JAZF1: variants seen among roughly 807,000 people sequenced by gnomAD.
JAZF1 encodes the protein JAZF zinc finger 1.
A neutral mutation model predicts 26.4 loss-of-function variants in JAZF1; 8 were observed. The ratio of observed to expected loss-of-function variants is 0.30; its 90% CI spans 0.18 to 0.55. The LOEUF is 0.55. Ranked by LOEUF, JAZF1 falls within the 20% of genes least tolerant of loss-of-function variation. The probability of loss-of-function intolerance (pLI) is 0.94; values close to 1 mark genes in which losing one functional copy is unlikely to be tolerated. For missense variants in JAZF1, 199 were observed against 322.0 expected, an observed-to-expected ratio of 0.62 and a Z score of 2.92; for synonymous variants, 126 against 122.3, an observed-to-expected ratio of 1.03 and a Z score of -0.20.
At position 27,859,468 on chromosome 7, in the gene JAZF1, C is replaced by G. The variant is rs138225729; in HGVS notation, c.386-18601G>C. Among the ~76,000 whole-genome samples, 930 of 152,312 alleles carry G rather than the reference C, an allele frequency of 6.1e-3. 7 individuals are homozygous for G. The highest frequency in any genetic ancestry group is 0.01 in the South Asian group (50 of 4,828). ...TGTTTACAACAGCAAAGACTTGGAACCAACCCAAATGTCCATCAATGATAG... is the reference window on the plus strand; with the variant it reads ...TGTTTACAACAGCAAAGACTTGGAAGCAACCCAAATGTCCATCAATGATAG... On this transcript the variant is annotated intron_variant, in intron 3 of 4. Transcript: ENST00000283928.
intron 1 of JAZF1, among the ~76,000 whole-genome samples, chr7:28,145,754 A>G (rs907881082): frequency 6.6e-6 from 1 of 151,996 alleles, no homozygotes; most frequent in African/African-American, 2.4e-5. Context: ...CACCCCAATA[A>G]CGTTCCCTTG....
At chr7:27,898,304 T>TATATATATATACACAC (rs375859244) in intron 2 of JAZF1, among the ~76,000 whole-genome samples, 6 of 128,932 alleles carry the variant, frequency 4.7e-5, no homozygotes, top group Non-Finnish European at 6.3e-5. Flanking sequence ...TATATATATA[T>TATATATATATACACAC]ACATCGGTTT....
rs143508784 is a variant in JAZF1, at chr7:27,840,597, C to A, written c.555+101G>T. ...TGCAGGAGAGGGGAGTGTCTCCCCC[C>A]AGCCCATACGCTCGCTTTAAAATCA... On this transcript the variant is annotated intron_variant, in intron 4 of 4. Transcript: ENST00000283928. The surrounding 1 kb of genome is among the most constrained non-coding windows in gnomAD (Gnocchi z 5.1). The A allele has an allele frequency of 2.3e-4, 287 of 1,228,828 alleles. No homozygotes were observed. In the African/African-American group the frequency reaches 2.8e-3, roughly 12 times the overall value. 76.1% of individuals were successfully genotyped at this position (1,228,828 alleles called of 1,614,324 possible). A position where few individuals can be genotyped will look rare whatever the true frequency, so the allele number is the denominator to read the frequency against.
At chr7:28,138,625 G>A (rs1478854312) in intron 1 of JAZF1, among the ~76,000 whole-genome samples, 1 of 152,158 alleles carries the variant, frequency 6.6e-6, no homozygotes, top group Non-Finnish European at 1.5e-5. Flanking sequence ...AATCCTAGTA[G>A]GCTTCTCATC....
intron 2 of JAZF1, among the ~76,000 whole-genome samples, chr7:27,946,882 T>C (rs768775158): frequency 5.3e-5 from 8 of 152,198 alleles, no homozygotes; most frequent in Admixed American, 2.0e-4. Flanking sequence ...TAAACTACGG[T>C]GGTCTTTTAT....
In JAZF1 at chr7:27,909,214, A is replaced by G. The variant is rs530890209; in HGVS notation, c.189-13798T>C. Among the ~76,000 whole-genome samples, 116 of 146,284 alleles carry G rather than the reference A, an allele frequency of 7.9e-4. 3 individuals carry two copies. The highest frequency in any genetic ancestry group is 3.1e-3 in the African/African-American group (113 of 36,252). On this transcript the variant is annotated intron_variant, in intron 2 of 4. Transcript: ENST00000283928. ...ACCCAGGCCCTGCTAATTTTGAATA[A>G]CCACTTTCTTTTTTTAATTGAAGAA...
At chr7:27,893,885 T>G (rs1405468072) in intron 3 of JAZF1, among the ~76,000 whole-genome samples, 1 of 152,048 alleles carries the variant, frequency 6.6e-6, no homozygotes, top group Admixed American at 6.6e-5. Context: ...GGGTCCAGAG[T>G]GCGCTCTGGT....
chr7:28,125,007 C>G (rs966773508), intron 1 of JAZF1, among the ~76,000 whole-genome samples: 4 of 152,130 alleles, frequency 2.6e-5, no homozygotes, highest in African/African-American at 9.7e-5. Context: ...CTGATCTAGC[C>G]TACAAACCAT....
intron 1 of JAZF1, among the ~76,000 whole-genome samples, chr7:28,045,789 G>C (rs1190028551): frequency 6.6e-6 from 1 of 152,220 alleles, no homozygotes; most frequent in Middle Eastern, 3.4e-3. Context: ...GCCCAGGCTG[G>C]TCTTGAACTC....
At chr7:28,140,919 A>T (rs1782951359) in intron 1 of JAZF1, among the ~76,000 whole-genome samples, 1 of 152,234 alleles carries the variant, frequency 6.6e-6, no homozygotes, top group African/African-American at 2.4e-5. Flanking sequence ...TGATGCTCAA[A>T]TATAATTTGA....
intron 1 of JAZF1, among the ~76,000 whole-genome samples, chr7:28,124,266 C>T (rs1214967485): frequency 6.6e-6 from 1 of 152,162 alleles, no homozygotes; most frequent in Non-Finnish European, 1.5e-5. Context: ...CGGCCATCTG[C>T]AAGCCACACA....
At chr7:28,030,384 A>T (rs939536959) in intron 1 of JAZF1, among the ~76,000 whole-genome samples, 2 of 152,206 alleles carry the variant, frequency 1.3e-5, no homozygotes, top group African/African-American at 4.8e-5. Flanking sequence ...GACTTGGAAA[A>T]TTTTGGTCTG....
intron 2 of JAZF1, among the ~76,000 whole-genome samples, chr7:27,979,159 T>C (rs1371323301): frequency 6.6e-6 from 1 of 152,034 alleles, no homozygotes; most frequent in Non-Finnish European, 1.5e-5. Context: ...ACATAGTATA[T>C]TTTTGTTAAG....
intron 1 of JAZF1, among the ~76,000 whole-genome samples, chr7:28,069,605 G>A (rs1415997819): frequency 6.6e-6 from 1 of 152,160 alleles, no homozygotes; most frequent in Non-Finnish European, 1.5e-5. Flanking sequence ...GTCTGTACCA[G>A]GTTCAAAGGG....
intron 1 of JAZF1, among the ~76,000 whole-genome samples, chr7:28,119,179 CAACCT>C (rs1784797925): frequency 6.6e-6 from 1 of 152,186 alleles, no homozygotes; most frequent in East Asian, 1.9e-4. Context: ...CTTCCCATGG[CAACCT>C]GCAGACCATC....
At chr7:27,920,731 C>T (rs549943250) in intron 2 of JAZF1, among the ~76,000 whole-genome samples, 17 of 152,250 alleles carry the variant, frequency 1.1e-4, no homozygotes, top group Admixed American at 4.6e-4. Flanking sequence ...TCCCCACTTC[C>T]GCCGACAACA....
intron 2 of JAZF1, among the ~76,000 whole-genome samples, chr7:27,942,452 A>G (rs1025618731): frequency 2.6e-5 from 4 of 152,258 alleles, no homozygotes; most frequent in Non-Finnish European, 5.9e-5. Context: ...CAAATGGAGT[A>G]GCATTTATTT....
At chr7:28,070,845 C>T (rs936436891) in intron 1 of JAZF1, among the ~76,000 whole-genome samples, 2 of 152,222 alleles carry the variant, frequency 1.3e-5, no homozygotes, top group Non-Finnish European at 2.9e-5. Flanking sequence ...GCATTAAGGT[C>T]ATCCAAAATC....
chr7:27,919,895 TTACAATC>T (rs1784501796), intron 2 of JAZF1, among the ~76,000 whole-genome samples: 1 of 152,184 alleles, frequency 6.6e-6, no homozygotes, highest in Non-Finnish European at 1.5e-5. Context: ...CCAAACAACT[TTACAATC>T]AACAACTTGT....
Sources: allele counts gnomAD v4.1 joint callset (sites outside exome capture counted in the v4.1 genomes callset), GRCh38; gene constraint gnomAD v4.1.1; non-coding constraint Gnocchi (gnomAD v3.1); transcripts MANE v1.5; gene names NCBI Gene and HGNC (gene_info 2026-07-23, HGNC 2026-07-21).